Variants in FNBP1 observed in about 807,000 individuals in gnomAD.
FNBP1 encodes formin-binding protein 1.
FNBP1 carries 26 observed loss-of-function variants against 90.6 expected under a neutral mutation model. The ratio of observed to expected loss-of-function variants is 0.29; its 90% confidence interval spans 0.21 to 0.40. The LOEUF (loss-of-function observed/expected upper bound fraction) is 0.40, where lower values mean the gene tolerates loss of function less well. Ranked by LOEUF, FNBP1 falls within the 10% of genes least tolerant of loss-of-function variation. The pLI, the probability that FNBP1 is intolerant of heterozygous loss-of-function variation, is 1.00. For missense variants in FNBP1, 635 were observed against 768.0 expected, an observed-to-expected ratio of 0.83 and a Z score of 2.05; for synonymous variants, 260 against 265.2, an observed-to-expected ratio of 0.98 and a Z score of 0.19.
At chr9:129,911,217 ATCTC>A (rs2039219452) in intron 11 of FNBP1, among the ~76,000 whole-genome samples, 1 of 152,106 alleles carries the variant, frequency 6.6e-6, no homozygotes, top group Admixed American at 6.5e-5. Flanking sequence ...AGAAAACAGA[ATCTC>A]TCTATCTGAC....
At chr9:129,977,484 ATTT>A (rs34068585) in intron 4 of FNBP1, among the ~76,000 whole-genome samples, 97,657 of 139,428 alleles carry the variant, frequency 0.7, 33,851 homozygotes, top group East Asian at 0.88. Context: ...ACAAGCACTA[ATTT>A]TTTTTTTTTT....
At chr9:129,897,770 TA>T (rs1353629578) in intron 15 of FNBP1, among the ~76,000 whole-genome samples, 1 of 151,960 alleles carries the variant, frequency 6.6e-6, no homozygotes, top group Non-Finnish European at 1.5e-5. Context: ...GCCTCCTTAT[TA>T]ACGCTCTGCA....
In FNBP1 at chr9:130,041,360, C is replaced by T. The variant is rs1353558993; in HGVS notation, c.24+1592G>A. 6.6e-6 allele frequency among the ~76,000 whole-genome samples: 1 copy of T among 152,102 alleles called. No homozygotes were observed. The highest frequency in any genetic ancestry group is 2.4e-5 in the African/African-American group (1 of 41,402). On this transcript the variant is annotated intron_variant, in intron 1 of 16. Coordinates refer to ENST00000446176, the MANE Select transcript of FNBP1 (RefSeq NM_015033.3). This position sits in a 1 kb window ranked among gnomAD's most constrained non-coding sequence, Gnocchi z 4.3. ...CTATTTCACTCAGAAATATATTGTA[C>T]ATTTTCCCTCCATAATTCCATCCAC...
In FNBP1 at chr9:129,979,353, T is replaced by C; in HGVS notation, c.162A>G (p.Gln54=). 6.2e-7 allele frequency: 1 copy of C among 1,606,312 alleles called. No individual in the cohort carries two copies. The highest frequency in any genetic ancestry group is 8.5e-7 in the Non-Finnish European group (1 of 1,174,038). ...KQLRNLSKKY[Q]PKKNSKEEEE... ...CTTCCTCCTTCGAGTTCTTTTTAGG[T>C]TGGTACTTCTTTGAAAGATTCCTGA... The change falls in exon 3 of 17, where the codon CAA becomes CAG. Residue 54 remains glutamine, a synonymous_variant. Transcript: ENST00000446176.
At chr9:129,977,061 A>C (rs1332883925) in intron 4 of FNBP1, among the ~76,000 whole-genome samples, 1 of 151,664 alleles carries the variant, frequency 6.6e-6, no homozygotes, top group African/African-American at 2.4e-5. Flanking sequence ...TCAGCTACTG[A>C]GGGAGGAGAA....
intron 1 of FNBP1, among the ~76,000 whole-genome samples, chr9:130,002,877 T>TC: frequency 6.6e-6 from 1 of 152,066 alleles, no homozygotes; most frequent in African/African-American, 2.4e-5. Flanking sequence ...GACCTTACAC[T>TC]CCCCCTTGAC....
intron 1 of FNBP1, among the ~76,000 whole-genome samples, chr9:130,008,375 A>AT (rs2056107248): frequency 6.6e-6 from 1 of 151,996 alleles, no homozygotes; most frequent in Non-Finnish European, 1.5e-5. Flanking sequence ...AAACCACCTA[A>AT]TTTTTTAAAT....
intron 1 of FNBP1, among the ~76,000 whole-genome samples, chr9:130,003,124 G>A (rs2055109059): frequency 7.8e-5 from 1 of 12,798 alleles, no homozygotes; most frequent in African/African-American, 1.1e-4. Flanking sequence ...TCTTCATTAA[G>A]TTCAAAAAAA....
chr9:129,958,102 C>G (rs2047217197), intron 5 of FNBP1, among the ~76,000 whole-genome samples: 1 of 152,076 alleles, frequency 6.6e-6, no homozygotes, highest in Admixed American at 6.6e-5. Context: ...CTGATTGACT[C>G]AAGCTTAAAT....
At chr9:130,053,644 G>A in the FNBP1 span, 5 of 472,146 alleles carry the variant, frequency 1.1e-5, no homozygotes, top group African/African-American at 1.0e-4. Flanking sequence ...GCTCAGCGAG[G>A]CGGAGGTGCG....
At chr9:130,001,357 A>G (rs901735016) in intron 1 of FNBP1, among the ~76,000 whole-genome samples, 10 of 151,980 alleles carry the variant, frequency 6.6e-5, no homozygotes, top group Non-Finnish European at 1.2e-4. Context: ...GGTGAAGAAT[A>G]TAGTAGTTAC....
rs1335881866 is a variant in FNBP1 at position 129,979,298 on chromosome 9, AT to A, written c.197+19del. On this transcript the variant is annotated intron_variant, in intron 3 of 16. Transcript: ENST00000446176. Reference sequence around the variant, plus strand: ...AATGGCATGTGTCTATTACAAGACAATTTTCAATGGTAAACATACTTGTATT... The same window carrying A: ...AATGGCATGTGTCTATTACAAGACAATTTCAATGGTAAACATACTTGTATT... 6.6e-7 allele frequency: 1 copy of A among 1,525,584 alleles called. No individual in the cohort carries two copies. The allele number at this position is 1,525,584 out of a possible 1,614,324, so 94.5% of individuals were successfully genotyped here. A position where few individuals can be genotyped will look rare whatever the true frequency, so the allele number is the denominator to read the frequency against.
intron 1 of FNBP1, among the ~76,000 whole-genome samples, chr9:130,034,325 A>C (rs1032653034): frequency 5.3e-5 from 8 of 151,554 alleles, no homozygotes; most frequent in Non-Finnish European, 1.0e-4. Flanking sequence ...AAAAAAAAAA[A>C]AAAACAAGTT....
At chr9:130,023,204 A>AG (rs781646459) in intron 1 of FNBP1, among the ~76,000 whole-genome samples, 13 of 152,154 alleles carry the variant, frequency 8.5e-5, no homozygotes, top group Non-Finnish European at 1.9e-4. Context: ...CCTCCAGGGA[A>AG]GAAAAAAAAA....
intron 1 of FNBP1, among the ~76,000 whole-genome samples, chr9:130,026,879 T>G (rs546773539): frequency 6.7e-6 from 1 of 150,122 alleles, no homozygotes; most frequent in African/African-American, 2.5e-5. Context: ...GGTGGAAAGA[T>G]AGCTTGAGCC....
chr9:129,985,526 A>G (rs1198052270), intron 2 of FNBP1, among the ~76,000 whole-genome samples: 1 of 152,186 alleles, frequency 6.6e-6, no homozygotes, highest in East Asian at 1.9e-4. Flanking sequence ...GCCCCTATTA[A>G]ATATAAGCAA....
intron 2 of FNBP1, among the ~76,000 whole-genome samples, chr9:129,982,902 A>G (rs899633835): frequency 3.3e-5 from 5 of 152,170 alleles, no homozygotes; most frequent in African/African-American, 1.2e-4. Flanking sequence ...AGCCTCAAGC[A>G]GTCCTCTCAC....
At chr9:130,038,673 G>A (rs113277943) in intron 1 of FNBP1, among the ~76,000 whole-genome samples, 4,706 of 152,192 alleles carry the variant, frequency 0.031, 84 homozygotes, top group Middle Eastern at 0.037. Flanking sequence ...GGGATTACAG[G>A]CGTCAGCCAC....
rs900527094 is a variant in FNBP1, at chr9:129,888,776, G to C, written c.*1763C>G. 4.3e-6 allele frequency: 1 copy of C among 233,022 alleles called. No individual in the cohort carries two copies. The highest frequency in any genetic ancestry group is 8.5e-6 in the Non-Finnish European group (1 of 117,968). 14.4% of individuals were successfully genotyped at this position (233,022 alleles called of 1,614,324 possible). A position where few individuals can be genotyped will look rare whatever the true frequency, so the allele number is the denominator to read the frequency against. On this transcript the variant is annotated 3_prime_UTR_variant, in exon 17 of 17. Transcript: ENST00000446176. The stretch of plus-strand genomic sequence containing the variant: ...GGGTGGTGTGTGGTCAACCTTGGTT[G>C]GCTGAGAGGAGCAATTTCCTGGTTT...
Sources: gnomAD v4.1 joint callset for allele counts (sites outside exome capture counted in the v4.1 genomes callset) on GRCh38, gnomAD v4.1.1 for gene constraint, Gnocchi (gnomAD v3.1) non-coding constraint, MANE v1.5 for transcripts, NCBI Gene and HGNC (gene_info 2026-07-23, HGNC 2026-07-21) for gene names.